The following RIMKLB variants were observed in gnomAD, a reference collection of about 807,000 sequenced individuals.
RIMKLB encodes the protein ribosomal modification protein rimK like family member B.
In RIMKLB, 7 loss-of-function variants were observed where a neutral mutation model predicts 32.0. That is an observed-to-expected ratio of 0.22 (90% CI 0.12 to 0.41). The LOEUF (loss-of-function observed/expected upper bound fraction) is 0.41. Ranked by LOEUF, RIMKLB falls within the 10% of genes least tolerant of loss-of-function variation. The pLI, the probability that RIMKLB is intolerant of heterozygous loss-of-function variation, is 1.00. For synonymous variants in RIMKLB, 172 were observed against 185.1 expected, an observed-to-expected ratio of 0.93 and a Z score of 0.57; for missense variants, 289 against 498.7, an observed-to-expected ratio of 0.58 and a Z score of 4.00.
chr12:8,698,192 C>T lies in RIMKLB; in HGVS notation c.-162C>T, dbSNP rs981372452. 1 of 355,630 alleles carries T rather than the reference C, an allele frequency of 2.8e-6. No homozygotes were observed. The allele number at this position is 355,630 out of a possible 1,614,324, so 22.0% of individuals were successfully genotyped here. A position where few individuals can be genotyped will look rare whatever the true frequency, so the allele number is the denominator to read the frequency against. ...GGCTCCCGGTATCCCGACCCCCTCC[C>T]CCTCCTCTCCTTCCCCCACTTCCAG... On this transcript the variant is annotated 5_prime_UTR_variant, in exon 1 of 6. Coordinates refer to ENST00000535829, the MANE Select transcript of RIMKLB (RefSeq NM_001297776.2).
At chr12:8,693,316 C>G (rs1942785274), upstream of RIMKLB, among the ~76,000 whole-genome samples, 1 of 152,012 alleles carries the variant, frequency 6.6e-6, no homozygotes, top group Admixed American at 6.6e-5. Context: ...ATTTTATAGG[C>G]CTTCCCCCAG....
At position 8,752,172 on chromosome 12, in the gene RIMKLB, T is replaced by G. The variant is rs911769680; in HGVS notation, c.493+129T>G. On this transcript the variant is annotated intron_variant, in intron 4 of 5. Coordinates refer to ENST00000535829, the MANE Select transcript of RIMKLB (RefSeq NM_001297776.2). ...ATACCTCAGACTTACAGAAGGCTACTATGAGTTGTTCAGTTTGGCTAAAAG... is the reference window on the plus strand; with the variant it reads ...ATACCTCAGACTTACAGAAGGCTACGATGAGTTGTTCAGTTTGGCTAAAAG... 52 of 624,112 alleles carry G rather than the reference T, an allele frequency of 8.3e-5. No individual in the cohort carries two copies. The African/African-American group carries it at 9.2e-4, about 11-fold the overall frequency. 38.7% of individuals were successfully genotyped at this position (624,112 alleles called of 1,614,324 possible).
intron 2 of RIMKLB, among the ~76,000 whole-genome samples, chr12:8,725,878 C>T (rs1043808480): frequency 6.6e-6 from 1 of 151,762 alleles, no homozygotes; most frequent in Non-Finnish European, 1.5e-5. Context: ...GACAAGGTCT[C>T]ACTGTGTCAC....
At chr12:8,717,704 G>A (rs1282551276) in intron 2 of RIMKLB, among the ~76,000 whole-genome samples, 1 of 152,166 alleles carries the variant, frequency 6.6e-6, no homozygotes, top group Non-Finnish European at 1.5e-5. Flanking sequence ...AAAGTTGCCT[G>A]AACTATTACA....
At chr12:8,701,072 AG>A (rs1328972508) in intron 1 of RIMKLB, among the ~76,000 whole-genome samples, 2 of 152,184 alleles carry the variant, frequency 1.3e-5, no homozygotes, top group South Asian at 4.1e-4. Flanking sequence ...TCAAAAAAAA[AG>A]AAAAAAGAAA....
chr12:8,752,747 G>A (rs1005577346), intron 4 of RIMKLB, among the ~76,000 whole-genome samples: 3 of 146,516 alleles, frequency 2.0e-5, no homozygotes, highest in Non-Finnish European at 4.5e-5. Flanking sequence ...TTTGTTTTTT[G>A]TTTTTTTTTT....
chr12:8,697,608 C>A, upstream of RIMKLB: 1 of 177,744 alleles, frequency 5.6e-6, no homozygotes, highest in South Asian at 6.9e-5. Flanking sequence ...CCCCCCCCAT[C>A]CGTTTCCCTT....
intron 2 of RIMKLB, among the ~76,000 whole-genome samples, chr12:8,744,113 A>G (rs1044865962): frequency 6.6e-6 from 1 of 151,968 alleles, no homozygotes; most frequent in Non-Finnish European, 1.5e-5. Context: ...ATCCATTTAT[A>G]AGCTCTACGT....
chr12:8,708,844 C>A (rs1423917901), intron 1 of RIMKLB, among the ~76,000 whole-genome samples: 1 of 152,148 alleles, frequency 6.6e-6, no homozygotes, highest in African/African-American at 2.4e-5. Context: ...GTATGCTGAT[C>A]CAGAAGTTTG....
chr12:8,766,489 G>C (rs1367837245), intron 5 of RIMKLB, among the ~76,000 whole-genome samples: 5 of 152,142 alleles, frequency 3.3e-5, no homozygotes, highest in Admixed American at 3.3e-4. Context: ...TTCAGAGAGG[G>C]TGTAGGTAAC....
intron 4 of RIMKLB, among the ~76,000 whole-genome samples, chr12:8,752,431 A>G (rs1948688297): frequency 6.6e-6 from 1 of 152,152 alleles, no homozygotes. Context: ...ATACGCCTGT[A>G]ATCCCAACTA....
chr12:8,686,373 C>T (rs1249848134), intron 1 of RIMKLB, among the ~76,000 whole-genome samples: 1 of 151,962 alleles, frequency 6.6e-6, no homozygotes, highest in Non-Finnish European at 1.5e-5. Context: ...CTGCAACCTT[C>T]GCCTTCCAGG....
intron 1 of RIMKLB, among the ~76,000 whole-genome samples, chr12:8,707,806 ATATT>A (rs1944029485): frequency 6.6e-6 from 1 of 152,206 alleles, no homozygotes; most frequent in South Asian, 2.1e-4. Flanking sequence ...GACCAAGTAT[ATATT>A]TTGTAATATC....
intron 1 of RIMKLB, among the ~76,000 whole-genome samples, chr12:8,705,682 G>T (rs779882098): frequency 1.3e-5 from 2 of 152,090 alleles, no homozygotes; most frequent in Non-Finnish European, 2.9e-5. Context: ...ATTTTTAATT[G>T]TATACGTATT....
chr12:8,755,768 G>A (rs993915559), intron 5 of RIMKLB, among the ~76,000 whole-genome samples: 26 of 152,274 alleles, frequency 1.7e-4, no homozygotes, highest in Admixed American at 1.0e-3. Flanking sequence ...CAACACTTGG[G>A]GAGGCTGAGG....
intron 2 of RIMKLB, among the ~76,000 whole-genome samples, chr12:8,726,229 G>A (rs1945989487): frequency 6.6e-6 from 1 of 152,208 alleles, no homozygotes; most frequent in Non-Finnish European, 1.5e-5. Flanking sequence ...TGTTGTCAGC[G>A]TTCTGGATTT....
At chr12:8,691,305 T>A (rs1056579861) in intron 1 of RIMKLB, among the ~76,000 whole-genome samples, 1 of 151,952 alleles carries the variant, frequency 6.6e-6, no homozygotes, top group Admixed American at 6.6e-5. Flanking sequence ...TTTTTTTTTT[T>A]AAAGTTTTTG....
At chr12:8,688,664 A>G (rs1942647422) in intron 1 of RIMKLB, among the ~76,000 whole-genome samples, 1 of 151,996 alleles carries the variant, frequency 6.6e-6, no homozygotes, top group Non-Finnish European at 1.5e-5. Context: ...AACCTTAACA[A>G]TTATTCAGAA....
At chr12:8,684,183 T>C (rs1042064513) in intron 1 of RIMKLB, among the ~76,000 whole-genome samples, 3 of 151,448 alleles carry the variant, frequency 2.0e-5, no homozygotes, top group Non-Finnish European at 2.9e-5. Flanking sequence ...ATTTTCTCTT[T>C]TTTTTTTTTA....
Sources: gnomAD v4.1 joint callset for allele counts (sites outside exome capture counted in the v4.1 genomes callset) on GRCh38, gnomAD v4.1.1 for gene constraint, MANE v1.5 for transcripts, NCBI Gene and HGNC (gene_info 2026-07-23, HGNC 2026-07-21) for gene names.